EDIL3: variants seen among roughly 807,000 people sequenced by gnomAD.
The protein encoded by EDIL3 is EGF like and discoidin domains 3.
In EDIL3, 37 loss-of-function variants were observed where a neutral mutation model predicts 67.4. The ratio of observed to expected loss-of-function variants is 0.55; its 90% CI spans 0.42 to 0.72. The LOEUF is 0.72. Ranked by LOEUF, EDIL3 falls within the 30% of genes least tolerant of loss-of-function variation. EDIL3 has a pLI of 0.00. For missense variants in EDIL3, 527 were observed against 586.3 expected, an observed-to-expected ratio of 0.90 and a Z score of 1.04; for synonymous variants, 195 against 196.3, an observed-to-expected ratio of 0.99 and a Z score of 0.05.
chr5:84,155,609 T>G (rs910183494), intron 4 of EDIL3, among the ~76,000 whole-genome samples: 2 of 152,222 alleles, frequency 1.3e-5, no homozygotes, highest in Non-Finnish European at 2.9e-5. Context: ...TAAGCATATA[T>G]CTTCTATTTT....
chr5:84,032,530 T>G (rs2112204209), intron 9 of EDIL3, among the ~76,000 whole-genome samples: 1 of 152,272 alleles, frequency 6.6e-6, no homozygotes, highest in Non-Finnish European at 1.5e-5. Flanking sequence ...TAAACTAAGT[T>G]TCCTGTCAGG....
intron 9 of EDIL3, among the ~76,000 whole-genome samples, chr5:83,967,321 AAAAT>A (rs1216582719): frequency 6.6e-6 from 1 of 152,136 alleles, no homozygotes; most frequent in African/African-American, 2.4e-5. Context: ...ACATCATCTC[AAAAT>A]AAATAAAATA....
intron 9 of EDIL3, chr5:84,048,410 C>CA (rs1054902174): frequency 4.0e-6 from 1 of 247,096 alleles, no homozygotes; most frequent in Non-Finnish European, 8.2e-6. Flanking sequence ...AGCTTAAATT[C>CA]AATTGATTTC....
intron 1 of EDIL3, among the ~76,000 whole-genome samples, chr5:84,378,160 T>C (rs1748005617): frequency 6.6e-6 from 1 of 152,222 alleles, no homozygotes; most frequent in African/African-American, 2.4e-5. Context: ...AAGTCTTAAA[T>C]AAGTACATTG....
chr5:84,199,386 G>C (rs13155727), intron 3 of EDIL3, among the ~76,000 whole-genome samples: 1 of 151,844 alleles, frequency 6.6e-6, no homozygotes, highest in South Asian at 2.1e-4. Flanking sequence ...CTAACCCAAA[G>C]TGAGCACCTT....
chr5:83,958,941 G>C (rs1212451082), intron 10 of EDIL3, among the ~76,000 whole-genome samples: 2 of 151,038 alleles, frequency 1.3e-5, no homozygotes, highest in Non-Finnish European at 3.0e-5. Context: ...GACTAGTAAG[G>C]GGAAAATAAA....
At chr5:84,080,419 G>T (rs1166710866) in intron 6 of EDIL3, among the ~76,000 whole-genome samples, 1 of 151,902 alleles carries the variant, frequency 6.6e-6, no homozygotes, top group Non-Finnish European at 1.5e-5. Flanking sequence ...CTGCCGCTGT[G>T]AAACATAATT....
intron 5 of EDIL3, among the ~76,000 whole-genome samples, chr5:84,126,604 G>T (rs1056485675): frequency 1.3e-5 from 2 of 152,048 alleles, no homozygotes; most frequent in African/African-American, 4.8e-5. Flanking sequence ...AAATATCTGT[G>T]ATTTCTATTA....
At chr5:84,198,470 G>C (rs1580372815) in intron 3 of EDIL3, among the ~76,000 whole-genome samples, 1 of 151,978 alleles carries the variant, frequency 6.6e-6, no homozygotes, top group Non-Finnish European at 1.5e-5. Flanking sequence ...ACATTATCTT[G>C]TGTATATATT....
At chr5:84,208,032 C>A (rs1212591224) in intron 3 of EDIL3, among the ~76,000 whole-genome samples, 12 of 150,218 alleles carry the variant, frequency 8.0e-5, no homozygotes, top group South Asian at 2.1e-4. Flanking sequence ...GCAACAAAAG[C>A]CAAAATTGAC....
At chr5:84,075,968 T>A (rs59556566) in intron 6 of EDIL3, among the ~76,000 whole-genome samples, 80 of 126,654 alleles carry the variant, frequency 6.3e-4, no homozygotes, top group Non-Finnish European at 1.1e-3. Flanking sequence ...TATATATATA[T>A]AAATATTTAT....
At chr5:84,078,584 T>C (rs1363664327) in intron 6 of EDIL3, 3 of 152,034 alleles carry the variant, frequency 2.0e-5, no homozygotes, top group Non-Finnish European at 4.4e-5. Context: ...GGAAGGAAGG[T>C]GGGAAGAGAA....
intron 1 of EDIL3, among the ~76,000 whole-genome samples, chr5:84,329,485 T>G (rs1270276514): frequency 2.0e-5 from 3 of 152,110 alleles, no homozygotes; most frequent in African/African-American, 7.2e-5. Context: ...CTCTCACAGT[T>G]GTATAGCTCA....
intron 1 of EDIL3, among the ~76,000 whole-genome samples, chr5:84,268,521 C>T (rs180989271): frequency 4.3e-4 from 65 of 152,264 alleles, no homozygotes; most frequent in Non-Finnish European, 7.5e-4. Context: ...TGAACTACTT[C>T]CTTCAGCTAA....
chr5:84,267,557 T>C (rs1745374408), intron 1 of EDIL3, among the ~76,000 whole-genome samples: 1 of 152,198 alleles, frequency 6.6e-6, no homozygotes, highest in South Asian at 2.1e-4. Flanking sequence ...AACCCATCTA[T>C]GGCTTCCAAT....
chr5:84,314,846 G>T (rs1413932121), intron 1 of EDIL3, among the ~76,000 whole-genome samples: 1 of 151,976 alleles, frequency 6.6e-6, no homozygotes, highest in African/African-American at 2.4e-5. Flanking sequence ...AGGAATCAAA[G>T]AAATCTTGAG....
At chr5:84,212,089 A>G (rs902950650) in intron 3 of EDIL3, among the ~76,000 whole-genome samples, 2 of 152,090 alleles carry the variant, frequency 1.3e-5, no homozygotes, top group Non-Finnish European at 2.9e-5. Context: ...GTATGATCCC[A>G]AAGAGCATGA....
intron 1 of EDIL3, among the ~76,000 whole-genome samples, chr5:84,292,126 T>C (rs1382079701): frequency 1.3e-5 from 2 of 151,992 alleles, no homozygotes; most frequent in African/African-American, 2.4e-5. Context: ...TGAAAGTAAA[T>C]TTCTGTTTTT....
At chr5:83,950,343 A>T (rs994243635) in intron 10 of EDIL3, among the ~76,000 whole-genome samples, 8 of 151,816 alleles carry the variant, frequency 5.3e-5, no homozygotes, top group African/African-American at 1.9e-4. Flanking sequence ...GGGTTTAGGG[A>T]ATCCTGAATT....
Sources: allele counts gnomAD v4.1 joint callset (sites outside exome capture counted in the v4.1 genomes callset), GRCh38; gene constraint gnomAD v4.1.1; transcripts MANE v1.5; gene names NCBI Gene and HGNC (gene_info 2026-07-23, HGNC 2026-07-21).